Variants in EPB41L4B observed in about 807,000 individuals in gnomAD.
The protein encoded by EPB41L4B is erythrocyte membrane protein band 4.1 like 4B, also known as band 4.1-like protein 4B.
A neutral mutation model predicts 112.5 loss-of-function variants in EPB41L4B; 30 were observed. That is an observed-to-expected ratio of 0.27 (90% confidence interval 0.20 to 0.36). The LOEUF (loss-of-function observed/expected upper bound fraction) is 0.36, where lower values mean the gene tolerates loss of function less well. EPB41L4B is among the 10% of genes least tolerant of loss of function. The probability of loss-of-function intolerance (pLI) is 1.00; values close to 1 mark genes in which losing one functional copy is unlikely to be tolerated. For missense variants in EPB41L4B, 1,024 were observed against 1,133.3 expected (o/e 0.90, Z 1.38); for synonymous variants, 408 against 439.7 (o/e 0.93, Z 0.90).
Position 109,320,994 on chromosome 9 carries a change from G to T in EPB41L4B, c.-548C>A, listed in dbSNP as rs1404693627. ...CCCGCAGCCCCCGCCTCCCACCTGGGAGGCTGCACCTCCAGCCGCCGCCGC... is the reference window on the plus strand; with the variant it reads ...CCCGCAGCCCCCGCCTCCCACCTGGTAGGCTGCACCTCCAGCCGCCGCCGC... On this transcript the variant is annotated 5_prime_UTR_variant, in exon 1 of 26. Coordinates refer to ENST00000374566, the MANE Select transcript of EPB41L4B (RefSeq NM_019114.5). 9 of 179,344 alleles carry T rather than the reference G, an allele frequency of 5.0e-5. No individual in the cohort carries two copies. The South Asian group carries it at 1.1e-3, about 22-fold the overall frequency. The allele number at this position is 179,344 out of a possible 1,614,324, so 11.1% of individuals were successfully genotyped here.
intron 1 of EPB41L4B, among the ~76,000 whole-genome samples, chr9:109,283,121 T>C (rs2119148450): frequency 6.6e-6 from 1 of 152,336 alleles, no homozygotes; most frequent in South Asian, 2.1e-4. Flanking sequence ...AGATGCACAC[T>C]TGGGTGACAA....
intron 16 of EPB41L4B, among the ~76,000 whole-genome samples, chr9:109,215,162 G>A (rs1833316260): frequency 6.6e-6 from 1 of 152,090 alleles, no homozygotes; most frequent in African/African-American, 2.4e-5. Context: ...AAGATTCCTT[G>A]GTCATCATCT....
chr9:109,219,939 G>A (rs2118850293), intron 15 of EPB41L4B, among the ~76,000 whole-genome samples: 1 of 152,198 alleles, frequency 6.6e-6, no homozygotes, highest in Non-Finnish European at 1.5e-5. Context: ...TAGTCCCTGT[G>A]AGACTGAGGC....
intron 17 of EPB41L4B, among the ~76,000 whole-genome samples, chr9:109,213,326 C>G (rs1370392322): frequency 6.6e-6 from 1 of 152,224 alleles, no homozygotes; most frequent in Non-Finnish European, 1.5e-5. Flanking sequence ...TTCCTTCCAT[C>G]TGCAAATGGT....
chr9:109,251,336 G>A (rs1462378885), intron 13 of EPB41L4B, 145 bp downstream of exon 13: 4 of 774,432 alleles, frequency 5.2e-6, no homozygotes, highest in African/African-American at 1.7e-5. Flanking sequence ...CCATGAGCAT[G>A]GAATAGCCAG....
chr9:109,235,390 CTTTTT>C (rs758330838), intron 15 of EPB41L4B, among the ~76,000 whole-genome samples: 6 of 87,248 alleles, frequency 6.9e-5, no homozygotes, highest in Non-Finnish European at 1.3e-4. Context: ...TTCAGCTAGA[CTTTTT>C]TTTTTTTTTT....
At chr9:109,174,717 C>A in intron 25 of EPB41L4B, 94 bp from the exon 26 acceptor site, 1 of 1,046,998 alleles carries the variant, frequency 9.6e-7, no homozygotes, top group South Asian at 1.4e-5. Flanking sequence ...CTTTCCTGAT[C>A]TCAGTGTTGG....
chr9:109,290,088 G>A (rs1836468644), intron 1 of EPB41L4B, among the ~76,000 whole-genome samples: 1 of 152,164 alleles, frequency 6.6e-6, no homozygotes, highest in Admixed American at 6.5e-5. Flanking sequence ...GCACACAGTT[G>A]TACCACATGG....
At chr9:109,231,998 TTC>T (rs1281093103) in intron 15 of EPB41L4B, among the ~76,000 whole-genome samples, 2 of 150,196 alleles carry the variant, frequency 1.3e-5, no homozygotes, top group African/African-American at 5.1e-5. Context: ...CATTCTGGGT[TTC>T]TTTTTTTTTT....
intron 15 of EPB41L4B, among the ~76,000 whole-genome samples, chr9:109,228,598 T>C (rs748824640): frequency 2.0e-5 from 3 of 152,224 alleles, no homozygotes; most frequent in Non-Finnish European, 2.9e-5. Flanking sequence ...CTCTTCACTC[T>C]CTGCAGTTAG....
At chr9:109,180,175 G>A (rs1018806472) in intron 24 of EPB41L4B, among the ~76,000 whole-genome samples, 8 of 152,138 alleles carry the variant, frequency 5.3e-5, no homozygotes, top group African/African-American at 1.2e-4. Flanking sequence ...GACCCCGCCC[G>A]CCCTGGGGGT....
At chr9:109,209,721 G>T (rs182080218) in intron 17 of EPB41L4B, among the ~76,000 whole-genome samples, 2 of 151,982 alleles carry the variant, frequency 1.3e-5, no homozygotes, top group Non-Finnish European at 2.9e-5. Flanking sequence ...AGCTTATTAT[G>T]GGTTAGCCAC....
intron 4 of EPB41L4B, among the ~76,000 whole-genome samples, chr9:109,265,344 G>A (rs1021477363): frequency 1.3e-5 from 2 of 152,208 alleles, no homozygotes; most frequent in Non-Finnish European, 2.9e-5. Flanking sequence ...GTGGCACATG[G>A]GCATGCAACA....
intron 1 of EPB41L4B, 107 bp downstream of exon 1, chr9:109,320,034 T>A: frequency 1.1e-6 from 1 of 885,552 alleles, no homozygotes; most frequent in Non-Finnish European, 1.5e-6. Context: ...GGGGAGGGGA[T>A]CCCCAGGGAG....
intron 12 of EPB41L4B, among the ~76,000 whole-genome samples, chr9:109,253,198 A>G (rs531393608): frequency 6.6e-6 from 1 of 152,220 alleles, no homozygotes; most frequent in South Asian, 2.1e-4. Context: ...AAAGAGGCAC[A>G]TGGAAAGAAA....
rs201580535 is a variant in EPB41L4B, at chr9:109,213,761, A to C, written c.1691T>G (p.Leu564Arg). 1.2e-6 allele frequency: 2 copies of C among 1,614,048 alleles called. No homozygotes were observed. The highest frequency in any genetic ancestry group is 1.6e-4 in the Middle Eastern group (1 of 6,076). The change falls in exon 17 of 26, where the codon CTG becomes CGG. Residue 564 changes from leucine (L) to arginine (R), a missense_variant. Coordinates refer to ENST00000374566, the MANE Select transcript of EPB41L4B (RefSeq NM_019114.5). Reference protein sequence around the residue: ...FSEAAAHLKKLELETVKAAGP... With the variant: ...FSEAAAHLKKRELETVKAAGP... Reference sequence around the variant, plus strand: ...AGCAGCCTTCACAGTTTCCAGTTCCAGCTTCTTTAGATGGGCAGCGGCTTC... The same window carrying C: ...AGCAGCCTTCACAGTTTCCAGTTCCCGCTTCTTTAGATGGGCAGCGGCTTC...
chr9:109,276,144 CGT>C (rs1179263851), intron 2 of EPB41L4B, among the ~76,000 whole-genome samples: 73 of 140,130 alleles, frequency 5.2e-4, no homozygotes, highest in African/African-American at 9.3e-4. Flanking sequence ...ATAATATATA[CGT>C]GTGTGTATAC....
chr9:109,215,914 C>T (rs1033020248), intron 16 of EPB41L4B, among the ~76,000 whole-genome samples: 1 of 151,944 alleles, frequency 6.6e-6, no homozygotes, highest in African/African-American at 2.4e-5. Flanking sequence ...TGCTTAAGCC[C>T]AAGAGTTCAA....
chr9:109,200,413 C>A, intron 19 of EPB41L4B, 79 bp from the exon 20 acceptor site: 1 of 1,074,838 alleles, frequency 9.3e-7, no homozygotes, highest in South Asian at 1.3e-5. Context: ...ACTGCTTTCT[C>A]AGTTAATGTA....
Sources: allele counts gnomAD v4.1 joint callset (sites outside exome capture counted in the v4.1 genomes callset), GRCh38; gene constraint gnomAD v4.1.1; transcripts MANE v1.5; gene names NCBI Gene and HGNC (gene_info 2026-07-23, HGNC 2026-07-21).